The following NSFL1C variants were observed in gnomAD, a reference collection of about 807,000 sequenced individuals.
The protein encoded by NSFL1C is NSFL1 cofactor p47.
A neutral mutation model predicts 43.1 loss-of-function variants in NSFL1C; 14 were observed. The ratio of observed to expected loss-of-function variants is 0.32; its 90% confidence interval spans 0.21 to 0.51. The LOEUF (loss-of-function observed/expected upper bound fraction) is 0.51, where lower values mean the gene tolerates loss of function less well. Ranked by LOEUF, NSFL1C falls within the 20% of genes least tolerant of loss-of-function variation. The pLI is 0.98. For missense variants in NSFL1C, 406 were observed against 472.5 expected, an observed-to-expected ratio of 0.86 and a Z score of 1.30; for synonymous variants, 171 against 183.5, an observed-to-expected ratio of 0.93 and a Z score of 0.55.
At chr20:1,454,923 G>C (rs746370140) in intron 4 of NSFL1C, 44 bp downstream of exon 4, 2 of 1,585,166 alleles carry the variant, frequency 1.3e-6, no homozygotes, top group East Asian at 2.3e-5. Flanking sequence ...TCCCAGTTCT[G>C]GAATCTCAGT....
Position 1,452,508 on chromosome 20 carries a change from C to A in NSFL1C, c.770G>T (p.Gly257Val). 1 of 1,614,208 alleles carries A rather than the reference C, an allele frequency of 6.2e-7. No homozygotes were observed. The highest frequency in any genetic ancestry group is 8.5e-7 in the Non-Finnish European group (1 of 1,180,022). The change falls in exon 7 of 9, where the codon GGT becomes GTT. Residue 257 changes from glycine to valine, a missense_variant. Coordinates refer to ENST00000216879, the MANE Select transcript of NSFL1C (RefSeq NM_016143.5). ...KGAFKAFTGE[G>V]QKLGSTAPQV... ...TGCCCCTTACCTGCCCAGTTTCTGA[C>A]CCTCGCCAGTGAAGGCTTTGAAGGC...
In NSFL1C at chr20:1,458,269, T is replaced by G. The variant is rs1446484196; in HGVS notation, c.209A>C (p.Asn70Thr). ...SVSRGTAPSD[N>T]RVTSFRDLIH... The stretch of plus-strand genomic sequence containing the variant: ...GAGGTCTCTGAAGGATGTCACTCTA[T>G]TATCACTGGAGACACAGAAAGGAGC... The change falls in exon 3 of 9, where the codon AAT (asparagine) becomes ACT (threonine). Residue 70 changes from asparagine to threonine, a missense_variant. Asn to Thr is a moderately conservative substitution (Grantham distance 65). Around this residue, in one of 3 missense-constraint regions of NSFL1C, gnomAD observed 203 missense variants for 216.3 expected, o/e 0.94. Coordinates refer to ENST00000216879, the MANE Select transcript of NSFL1C (RefSeq NM_016143.5). The G allele has an allele frequency of 1.7e-5, 27 of 1,613,316 alleles. No homozygotes were observed. Among genetic ancestry groups the G allele is most frequent in the Non-Finnish European group, 2.2e-5 (26 of 1,179,454 alleles).
chr20:1,449,915 A>G (rs1169833354), intron 7 of NSFL1C, among the ~76,000 whole-genome samples: 1 of 152,164 alleles, frequency 6.6e-6, no homozygotes, highest in Non-Finnish European at 1.5e-5. Flanking sequence ...TGCTGTTTGC[A>G]ATTCGAACCT....
intron 7 of NSFL1C, 76 bp from the exon 8 acceptor site, chr20:1,445,906 T>C: frequency 6.8e-7 from 1 of 1,466,262 alleles, no homozygotes. Flanking sequence ...TCTTGGACTG[T>C]TACTGAGCAT....
chr20:1,445,114 G>C lies in NSFL1C; in HGVS notation c.950+552C>G, dbSNP rs558932359. ...CTACTAGTCTCTTCACTTTGCTGTGGCTCAGTTTCCCCATCTTTAAAATGA... is the reference window on the plus strand; with the variant it reads ...CTACTAGTCTCTTCACTTTGCTGTGCCTCAGTTTCCCCATCTTTAAAATGA... On this transcript the variant is annotated intron_variant, in intron 8 of 8. Transcript: ENST00000216879. 2.0e-5 allele frequency among the ~76,000 whole-genome samples: 3 copies of C among 152,310 alleles called. No homozygotes were observed. In the South Asian group the frequency reaches 6.2e-4, roughly 32 times the overall value.
At chr20:1,455,257 T>A in intron 3 of NSFL1C, 125 bp from the exon 4 acceptor site, 1 of 1,125,896 alleles carries the variant, frequency 8.9e-7, no homozygotes, top group Non-Finnish European at 1.3e-6. Context: ...ATTTACTGGC[T>A]AGTTGGGAAC....
chr20:1,445,715 G>A lies in NSFL1C; in HGVS notation c.901C>T (p.Arg301Trp), dbSNP rs2090044135. ...ESEPTTNIQIRLADGGRLVQK... is the reference protein window; with the variant it reads ...ESEPTTNIQIWLADGGRLVQK... ...ACCAGCCTCCCGCCGTCTGCAAGCC[G>A]AATTTGGATGTTTGTGGTAGGCTCT... Residue 301 changes from arginine to tryptophan, a missense_variant, in exon 8 of 9, where the codon CGG (arginine) becomes TGG (tryptophan). By Grantham distance (101) the Arg-to-Trp change is moderately radical. Coordinates refer to ENST00000216879, the MANE Select transcript of NSFL1C (RefSeq NM_016143.5). The A allele has an allele frequency of 6.2e-7, 1 of 1,613,924 alleles. No homozygotes were observed. The highest frequency in any genetic ancestry group is 8.5e-7 in the Non-Finnish European group (1 of 1,180,012).
intron 8 of NSFL1C, 95 bp downstream of exon 8, chr20:1,445,571 T>C (rs1372829384): frequency 2.9e-6 from 4 of 1,400,248 alleles, no homozygotes; most frequent in Non-Finnish European, 4.0e-6. Flanking sequence ...TGCCTGCTGG[T>C]ATTTAGGAGG....
chr20:1,445,544 T>C (rs748940741), intron 8 of NSFL1C, 122 bp downstream of exon 8: 69 of 1,143,320 alleles, frequency 6.0e-5, no homozygotes, highest in Non-Finnish European at 8.3e-5. Flanking sequence ...CGTGTCTGCT[T>C]TGGGGAAAGC....
At chr20:1,457,857 C>T (rs1424494467) in intron 3 of NSFL1C, 1 of 216,726 alleles carries the variant, frequency 4.6e-6, no homozygotes, top group Non-Finnish European at 9.3e-6. Context: ...TCCATAACTT[C>T]GCTACTGTGA....
chr20:1,454,874 GA>G (rs1294918617), intron 4 of NSFL1C, 92 bp downstream of exon 4: 2 of 1,367,314 alleles, frequency 1.5e-6, no homozygotes, highest in Admixed American at 4.3e-5. Context: ...ATGAAAAAAA[GA>G]AAAAAATCAG....
intron 2 of NSFL1C, among the ~76,000 whole-genome samples, chr20:1,458,959 A>G (rs2090357732): frequency 6.6e-6 from 1 of 152,190 alleles, no homozygotes; most frequent in Non-Finnish European, 1.5e-5. Context: ...CACAACTAAA[A>G]ATGAGCGTGA....
intron 6 of NSFL1C, 151 bp downstream of exon 6, chr20:1,452,880 G>T: frequency 1.4e-6 from 1 of 712,022 alleles, no homozygotes; most frequent in Non-Finnish European, 2.4e-6. Context: ...GACATACAAG[G>T]TTTTTGGAGC....
In NSFL1C at chr20:1,443,858, G is replaced by A. The variant is rs1281424166; in HGVS notation, c.1004C>T (p.Thr335Ile). Reference sequence around the variant, plus strand: ...GAAAGTAGTCATGAGGATAAAGCTGGTGGCAGCCATGGCTGGCCGGGCATC... The same window carrying A: ...GAAAGTAGTCATGAGGATAAAGCTGATGGCAGCCATGGCTGGCCGGGCATC... Reference protein sequence around the residue: ...IVDARPAMAATSFILMTTFPN... With the variant: ...IVDARPAMAAISFILMTTFPN... The change falls in exon 9 of 9, where the codon ACC becomes ATC. Residue 335 changes from threonine to isoleucine, a missense_variant. By Grantham distance (89) the Thr-to-Ile change is moderately conservative (BLOSUM62 -1). Around this residue, in one of 3 missense-constraint regions of NSFL1C, gnomAD observed 196 missense variants for 228.0 expected, o/e 0.86. Coordinates refer to ENST00000216879, the MANE Select transcript of NSFL1C (RefSeq NM_016143.5). 5.6e-6 allele frequency: 9 copies of A among 1,613,748 alleles called. No individual in the cohort carries two copies. Among genetic ancestry groups the A allele is most frequent in the East Asian group, 2.2e-5 (1 of 44,898 alleles).
chr20:1,463,557 C>T (rs1327305417), intron 2 of NSFL1C: 1 of 152,186 alleles, frequency 6.6e-6, no homozygotes, highest in Non-Finnish European at 1.5e-5. Context: ...CATAATTTAC[C>T]ACTTCATGGC....
At chr20:1,458,941 G>A (rs2090356964) in intron 2 of NSFL1C, among the ~76,000 whole-genome samples, 1 of 152,152 alleles carries the variant, frequency 6.6e-6, no homozygotes, top group South Asian at 2.1e-4. Flanking sequence ...AGTGTTGTAT[G>A]GGATGGGCAC....
rs766771984 is a variant in NSFL1C, at chr20:1,452,645, G to A, written c.648-15C>T. The A allele has an allele frequency of 6.2e-7, 1 of 1,613,828 alleles. No individual in the cohort carries two copies. Among genetic ancestry groups the A allele is most frequent in the Non-Finnish European group, 8.5e-7 (1 of 1,179,904 alleles). On this transcript the variant is annotated splice_polypyrimidine_tract_variant and intron_variant, in intron 6 of 8. Coordinates refer to ENST00000216879, the MANE Select transcript of NSFL1C (RefSeq NM_016143.5). ...CTGGCACCTCCCTGTGGAAGAAAAG[G>A]CCATGCTGAGGTCCACAGAGAGAAG...
At chr20:1,464,244 C>T (rs2122966076) in intron 2 of NSFL1C, 85 bp downstream of exon 2, 1 of 1,173,036 alleles carries the variant, frequency 8.5e-7, no homozygotes. Context: ...GGTCCACACA[C>T]CCAGGCCTGA....
intron 8 of NSFL1C, among the ~76,000 whole-genome samples, chr20:1,445,415 A>C (rs2090037160): frequency 6.6e-6 from 1 of 152,140 alleles, no homozygotes; most frequent in African/African-American, 2.4e-5. Context: ...GAAATCTAAT[A>C]CTCTAATTTT....
Sources: allele counts gnomAD v4.1 joint callset (sites outside exome capture counted in the v4.1 genomes callset), GRCh38; gene constraint gnomAD v4.1.1; regional missense constraint gnomAD v4.1.1; transcripts MANE v1.5; gene names NCBI Gene and HGNC (gene_info 2026-07-23, HGNC 2026-07-21).